Variants in FER observed in about 807,000 individuals in gnomAD.
The protein encoded by FER is tyrosine-protein kinase Fer.
A neutral mutation model predicts 111.0 loss-of-function variants in FER; 63 were observed. The observed-to-expected ratio is 0.57, with a 90% CI of 0.46 to 0.70. FER has a LOEUF of 0.70. Among genes scored for constraint, FER ranks in the 30% least tolerant of loss-of-function variants. The pLI, the probability that FER is intolerant of heterozygous loss-of-function variation, is 0.00. For synonymous variants in FER, 327 were observed against 313.9 expected (o/e 1.04, Z -0.44); for missense variants, 914 against 954.0 (o/e 0.96, Z 0.55).
chr5:109,020,566 T>C (rs1024507698), intron 13 of FER, among the ~76,000 whole-genome samples: 4 of 152,038 alleles, frequency 2.6e-5, no homozygotes, highest in Admixed American at 6.6e-5. Context: ...TTGGAATTTT[T>C]TGGTTACTAA....
At chr5:108,987,050 CATA>C (rs1410552587) in intron 13 of FER, among the ~76,000 whole-genome samples, 1 of 151,924 alleles carries the variant, frequency 6.6e-6, no homozygotes, top group African/African-American at 2.4e-5. Flanking sequence ...TGGTCATTCT[CATA>C]ATATTGATTC....
chr5:109,051,994 T>C (rs1772902733), intron 16 of FER: 3 of 1,585,740 alleles, frequency 1.9e-6, no homozygotes, highest in Admixed American at 1.7e-5. Context: ...ACTGATGATG[T>C]AGGTTCGCAG....
intron 2 of FER, among the ~76,000 whole-genome samples, chr5:108,776,845 T>A (rs1753551184): frequency 6.6e-6 from 1 of 152,196 alleles, no homozygotes; most frequent in African/African-American, 2.4e-5. Context: ...TAAATCTAAA[T>A]GGTCAATACT....
At chr5:109,144,971 A>G (rs910637210) in intron 17 of FER, among the ~76,000 whole-genome samples, 1 of 151,970 alleles carries the variant, frequency 6.6e-6, no homozygotes, top group Admixed American at 6.6e-5. Context: ...TTCTCCTTCA[A>G]ATCTCCTTTC....
At chr5:108,888,246 T>C (rs1016667423) in intron 9 of FER, among the ~76,000 whole-genome samples, 44 of 151,948 alleles carry the variant, frequency 2.9e-4, no homozygotes, top group Admixed American at 3.3e-4. Flanking sequence ...AAATGTGCTA[T>C]GTAAATAGGG....
intron 16 of FER, chr5:109,052,374 T>A: frequency 6.3e-7 from 1 of 1,577,048 alleles, no homozygotes; most frequent in African/African-American, 1.3e-5. Context: ...AAATGAAAAG[T>A]ACTGACAGCC....
In FER at chr5:109,193,435, A is replaced by C. The variant is rs1324090266; in HGVS notation, c.*5860A>C. The C allele has an allele frequency of 6.6e-6, 1 of 152,180 alleles. No individual in the cohort carries two copies. Among genetic ancestry groups the C allele is most frequent in the Non-Finnish European group, 1.5e-5 (1 of 68,022 alleles). The allele number at this position is 152,180 out of a possible 1,614,324, so 9.4% of individuals were successfully genotyped here. On this transcript the variant is annotated 3_prime_UTR_variant, in exon 20 of 20. Coordinates refer to ENST00000281092, the MANE Select transcript of FER (RefSeq NM_005246.4). Reference sequence around the variant, plus strand: ...TGTCAGCAAATTTGTAAAAACCTCAAAACAAATGAATATTTGGAATTCACT... The same window carrying C: ...TGTCAGCAAATTTGTAAAAACCTCACAACAAATGAATATTTGGAATTCACT...
intron 17 of FER, among the ~76,000 whole-genome samples, chr5:109,131,832 G>GT (rs1752391366): frequency 6.6e-6 from 1 of 152,118 alleles, no homozygotes; most frequent in African/African-American, 2.4e-5. Flanking sequence ...AAGGGCCTAG[G>GT]AATCATTGTT....
chr5:108,915,190 T>C (rs1752099918), intron 10 of FER, among the ~76,000 whole-genome samples: 1 of 152,100 alleles, frequency 6.6e-6, no homozygotes. Context: ...TAGCTACTTT[T>C]GGCCCGGCCC....
intron 15 of FER, among the ~76,000 whole-genome samples, chr5:109,046,015 T>C (rs945195977): frequency 1.3e-5 from 2 of 152,218 alleles, no homozygotes; most frequent in Non-Finnish European, 2.9e-5. Context: ...CAAGAATTTT[T>C]GTTGGTTATT....
chr5:109,139,685 A>G (rs937917395), intron 17 of FER, among the ~76,000 whole-genome samples: 4 of 151,784 alleles, frequency 2.6e-5, no homozygotes, highest in Non-Finnish European at 4.4e-5. Context: ...ATGAAAGCAA[A>G]CCCCCAGTTT....
intron 3 of FER, among the ~76,000 whole-genome samples, chr5:108,824,394 A>G (rs779171238): frequency 6.6e-6 from 1 of 151,806 alleles, no homozygotes; most frequent in Non-Finnish European, 1.5e-5. Flanking sequence ...TTTGGGTGGT[A>G]TGGATATTTT....
chr5:109,069,303 T>C (rs1023622164), intron 16 of FER, among the ~76,000 whole-genome samples: 3 of 152,168 alleles, frequency 2.0e-5, no homozygotes, highest in Non-Finnish European at 4.4e-5. Flanking sequence ...TGGAAGGCAG[T>C]TTGGCTAAGC....
intron 18 of FER, among the ~76,000 whole-genome samples, chr5:109,185,202 A>G (rs1404449386): frequency 6.6e-6 from 1 of 152,166 alleles, no homozygotes; most frequent in African/African-American, 2.4e-5. Context: ...GAGACTACCA[A>G]AAAAATTCTT....
chr5:109,142,315 T>A (rs1394310093), intron 17 of FER, among the ~76,000 whole-genome samples: 1 of 152,194 alleles, frequency 6.6e-6, no homozygotes, highest in Non-Finnish European at 1.5e-5. Flanking sequence ...CTTTGCTTAA[T>A]TCTAATAATC....
intron 3 of FER, among the ~76,000 whole-genome samples, chr5:108,806,015 A>G (rs149057954): frequency 6.6e-6 from 1 of 152,292 alleles, no homozygotes; most frequent in East Asian, 1.9e-4. Flanking sequence ...CAGCCCCTCC[A>G]TCATAGGCCT....
intron 14 of FER, among the ~76,000 whole-genome samples, chr5:109,042,305 C>G (rs980850593): frequency 6.6e-6 from 1 of 152,208 alleles, no homozygotes; most frequent in East Asian, 1.9e-4. Context: ...CCCCTTGCAT[C>G]TTAGAAAGGT....
intron 17 of FER, among the ~76,000 whole-genome samples, chr5:109,134,381 A>G (rs893369922): frequency 1.3e-5 from 2 of 152,220 alleles, no homozygotes; most frequent in Non-Finnish European, 2.9e-5. Context: ...TATCAAAATT[A>G]AAAGGGTGAA....
chr5:108,894,514 G>T, intron 9 of FER: 1 of 396,478 alleles, frequency 2.5e-6, no homozygotes. Context: ...ATATTAGTTA[G>T]TTTGATGTTG....
Sources: gnomAD v4.1 joint callset for allele counts (sites outside exome capture counted in the v4.1 genomes callset) on GRCh38, gnomAD v4.1.1 for gene constraint, MANE v1.5 for transcripts, NCBI Gene and HGNC (gene_info 2026-07-23, HGNC 2026-07-21) for gene names.